TMEFF2: variants seen among roughly 807,000 people sequenced by gnomAD.
TMEFF2 encodes tomoregulin-2.
In TMEFF2, 28 loss-of-function variants were observed where a neutral mutation model predicts 53.8. The ratio of observed to expected loss-of-function variants is 0.52; its 90% CI spans 0.39 to 0.71. TMEFF2 has a LOEUF of 0.71. Ranked by LOEUF, TMEFF2 falls within the 30% of genes least tolerant of loss-of-function variation. The pLI is 0.00. For missense variants in TMEFF2, 353 were observed against 455.2 expected, an observed-to-expected ratio of 0.78 and a Z score of 2.04; for synonymous variants, 162 against 166.3, an observed-to-expected ratio of 0.97 and a Z score of 0.20.
Position 192,096,794 on chromosome 2 carries a change from A to G in TMEFF2, c.440-39019T>C, listed in dbSNP as rs556371665. 2.7e-4 allele frequency among the ~76,000 whole-genome samples: 40 copies of G among 150,154 alleles called. No homozygotes were observed. The South Asian group carries it at 3.0e-3, about 11-fold the overall frequency. ...TGAGTTCAAGTGATTCTCCTGCCCA[A>G]GCTTCTCGAGTAGCTGGGATTACAG... On this transcript the variant is annotated intron_variant, in intron 4 of 9. Transcript: ENST00000272771.
At position 192,049,818 on chromosome 2, in the gene TMEFF2, G is replaced by A. The variant is rs1687720099; in HGVS notation, c.536+7861C>T. ...AGATTGAGACCATCCTGGCTAACAC[G>A]ATGAAACCCCATCTCTACTAAAAAT... On this transcript the variant is annotated intron_variant, in intron 5 of 9. Coordinates refer to ENST00000272771, the MANE Select transcript of TMEFF2 (RefSeq NM_016192.4). Among the ~76,000 whole-genome samples the A allele has an allele frequency of 2.0e-5, 3 of 152,108 alleles. No homozygotes were observed. In the South Asian group the frequency reaches 6.2e-4, roughly 31 times the overall value.
intron 7 of TMEFF2, among the ~76,000 whole-genome samples, chr2:191,993,532 T>C (rs995950561): frequency 6.6e-6 from 1 of 151,984 alleles, no homozygotes; most frequent in African/African-American, 2.4e-5. Flanking sequence ...AGGGGAAATA[T>C]CTTCTCCCCA....
rs1691792115 is a variant in TMEFF2 at position 191,949,241 on chromosome 2, G to A, written c.*1070C>T. 1.0e-6 allele frequency: 1 copy of A among 985,252 alleles called. No individual in the cohort carries two copies. The highest frequency in any genetic ancestry group is 1.2e-6 in the Non-Finnish European group (1 of 829,866). 61.0% of individuals were successfully genotyped at this position (985,252 alleles called of 1,614,324 possible). A position where few individuals can be genotyped will look rare whatever the true frequency, so the allele number is the denominator to read the frequency against. Reference sequence around the variant, plus strand: ...AAAATCCATACCAACTTCCCAGTGAGGTCTTTCAGATGCTATAGGATTAAT... The same window carrying A: ...AAAATCCATACCAACTTCCCAGTGAAGTCTTTCAGATGCTATAGGATTAAT... On this transcript the variant is annotated 3_prime_UTR_variant, in exon 10 of 10. Transcript: ENST00000272771.
At chr2:192,037,614 GAA>G (rs1559096830) in intron 5 of TMEFF2, among the ~76,000 whole-genome samples, 3,815 of 126,504 alleles carry the variant, frequency 0.03, 57 homozygotes, top group Admixed American at 0.052. Context: ...GTGTGAGAGA[GAA>G]AGAGAGAGAG....
Position 192,179,793 on chromosome 2 carries a change from T to C in TMEFF2, c.413-99A>G, listed in dbSNP as rs149314542. 291 of 1,067,588 alleles carry C rather than the reference T, an allele frequency of 2.7e-4. 1 individual carries two copies. In the East Asian group the frequency reaches 7.0e-3, roughly 26 times the overall value. 66.1% of individuals were successfully genotyped at this position (1,067,588 alleles called of 1,614,324 possible). On this transcript the variant is annotated intron_variant, in intron 3 of 9. Transcript: ENST00000272771. Reference sequence around the variant, plus strand: ...TTTTCTTAGTTTAATACTGCAATAATATTGTTTGAGAAAAATACTAATATT... The same window carrying C: ...TTTTCTTAGTTTAATACTGCAATAACATTGTTTGAGAAAAATACTAATATT...
rs143265715 is a variant in TMEFF2 at position 192,082,525 on chromosome 2, T to G, written c.440-24750A>C. On this transcript the variant is annotated intron_variant, in intron 4 of 9. Coordinates refer to ENST00000272771, the MANE Select transcript of TMEFF2 (RefSeq NM_016192.4). ...CTTTGCTAACATTTTGTCACTTTTT[T>G]TCATTTTTAAACTTTTAAATCATGT... Among the ~76,000 whole-genome samples, 691 of 152,360 alleles carry G rather than the reference T, an allele frequency of 4.5e-3. 3 individuals are homozygous for G. Among genetic ancestry groups the G allele is most frequent in the African/African-American group, 0.016 (648 of 41,582 alleles).
At chr2:192,083,901 G>T (rs1688609370) in intron 4 of TMEFF2, among the ~76,000 whole-genome samples, 1 of 151,924 alleles carries the variant, frequency 6.6e-6, no homozygotes, top group Non-Finnish European at 1.5e-5. Context: ...TCTTAGAAAA[G>T]GGAATTGAAA....
intron 4 of TMEFF2, among the ~76,000 whole-genome samples, chr2:192,112,656 G>C (rs1443298600): frequency 2.0e-5 from 3 of 152,074 alleles, no homozygotes; most frequent in African/African-American, 7.2e-5. Flanking sequence ...CATGAGATTT[G>C]GGAGGGTCCA....
At chr2:192,162,032 A>G (rs1690646804) in intron 4 of TMEFF2, among the ~76,000 whole-genome samples, 1 of 152,212 alleles carries the variant, frequency 6.6e-6, no homozygotes, top group East Asian at 1.9e-4. Context: ...AGAAAAAGGA[A>G]TAGAAGGATG....
intron 4 of TMEFF2, among the ~76,000 whole-genome samples, chr2:192,172,150 T>G (rs1172856248): frequency 6.6e-6 from 1 of 151,654 alleles, no homozygotes; most frequent in East Asian, 1.9e-4. Flanking sequence ...TTCCAATTGA[T>G]GACAACTCAT....
chr2:191,959,722 T>C (rs577454526), intron 7 of TMEFF2, among the ~76,000 whole-genome samples: 2 of 152,194 alleles, frequency 1.3e-5, no homozygotes, highest in Non-Finnish European at 2.9e-5. Flanking sequence ...AGGAACACAT[T>C]ATGGATCAAA....
chr2:192,038,064 C>T (rs1257094016), intron 5 of TMEFF2: 1 of 152,180 alleles, frequency 6.6e-6, no homozygotes, highest in African/African-American at 2.4e-5. Context: ...GTGCACATGA[C>T]TTCATATATG....
intron 5 of TMEFF2, among the ~76,000 whole-genome samples, chr2:192,034,492 C>G (rs897779234): frequency 3.9e-5 from 6 of 152,064 alleles, no homozygotes; most frequent in Non-Finnish European, 7.4e-5. Context: ...TCTTCTTTTC[C>G]TTTTACTAAT....
chr2:192,151,437 G>C (rs1263405177), intron 4 of TMEFF2, among the ~76,000 whole-genome samples: 2 of 151,758 alleles, frequency 1.3e-5, no homozygotes, highest in Non-Finnish European at 2.9e-5. Context: ...AAAATCAAGA[G>C]TTGCATTTTC....
chr2:192,175,495 C>G (rs941557207), intron 4 of TMEFF2, among the ~76,000 whole-genome samples: 16 of 151,442 alleles, frequency 1.1e-4, no homozygotes, highest in African/African-American at 3.6e-4. Context: ...TTTATCATAA[C>G]AACAATTATC....
At chr2:192,010,789 TAC>T (rs1318746381) in intron 5 of TMEFF2, among the ~76,000 whole-genome samples, 1 of 152,228 alleles carries the variant, frequency 6.6e-6, no homozygotes, top group African/African-American at 2.4e-5. Flanking sequence ...AATAACTACT[TAC>T]ACCTGGCGGG....
At chr2:191,988,910 T>C (rs972124969) in intron 7 of TMEFF2, among the ~76,000 whole-genome samples, 15 of 152,194 alleles carry the variant, frequency 9.9e-5, no homozygotes, top group African/African-American at 3.1e-4. Context: ...GGATAATTAG[T>C]ACATTCACTC....
At chr2:192,050,167 A>T (rs576218387) in intron 5 of TMEFF2, among the ~76,000 whole-genome samples, 2 of 152,224 alleles carry the variant, frequency 1.3e-5, no homozygotes, top group African/African-American at 4.8e-5. Flanking sequence ...TTTAAACTGC[A>T]TGGCCTAATA....
chr2:192,094,691 G>A (rs551900022), intron 4 of TMEFF2, among the ~76,000 whole-genome samples: 5 of 152,208 alleles, frequency 3.3e-5, no homozygotes, highest in South Asian at 2.1e-4. Context: ...AAATTTAGTC[G>A]AATTTTATTT....
Sources: allele counts gnomAD v4.1 joint callset (sites outside exome capture counted in the v4.1 genomes callset), GRCh38; gene constraint gnomAD v4.1.1; transcripts MANE v1.5; gene names NCBI Gene and HGNC (gene_info 2026-07-23, HGNC 2026-07-21).